Variants in IGSF21 observed in about 807,000 individuals in gnomAD.
The protein encoded by IGSF21 is immunoglobulin superfamily member 21.
A neutral mutation model predicts 46.8 loss-of-function variants in IGSF21; 28 were observed. That is an observed-to-expected ratio of 0.60 (90% CI 0.44 to 0.82). The LOEUF (loss-of-function observed/expected upper bound fraction) is 0.82. Ranked by LOEUF, IGSF21 falls within the 40% of genes least tolerant of loss-of-function variation. The pLI, the probability that IGSF21 is intolerant of heterozygous loss-of-function variation, is 0.00. For synonymous variants in IGSF21, 284 were observed against 273.6 expected (o/e 1.04, Z -0.38); for missense variants, 624 against 665.5 (o/e 0.94, Z 0.69).
chr1:18,232,413 C>G (rs557721118), intron 2 of IGSF21, among the ~76,000 whole-genome samples: 1 of 152,218 alleles, frequency 6.6e-6, no homozygotes, highest in East Asian at 1.9e-4. Context: ...ATTTGAGTGG[C>G]TGACATTATT....
At position 18,324,716 on chromosome 1, in the gene IGSF21, G is replaced by A. The variant is rs1489346308; in HGVS notation, c.306-10176G>A. ...GACAGGTCCCTTAGCTCAAGGGAGGGTCTCCTGTGTCCCCCTGCTTTTCTG... is the reference window on the plus strand; with the variant it reads ...GACAGGTCCCTTAGCTCAAGGGAGGATCTCCTGTGTCCCCCTGCTTTTCTG... On this transcript the variant is annotated intron_variant, in intron 3 of 9. Transcript: ENST00000251296. Among the ~76,000 whole-genome samples the A allele has an allele frequency of 5.9e-5, 9 of 152,232 alleles. No individual in the cohort carries two copies. The East Asian group carries it at 1.7e-3, about 30-fold the overall frequency.
At chr1:18,338,978 C>T (rs891293655) in intron 4 of IGSF21, among the ~76,000 whole-genome samples, 6 of 152,168 alleles carry the variant, frequency 3.9e-5, no homozygotes, top group Non-Finnish European at 7.3e-5. Flanking sequence ...CCCATCCCCA[C>T]CGAAGTTAAA....
chr1:18,286,920 G>A (rs1343686310), intron 2 of IGSF21, among the ~76,000 whole-genome samples: 2 of 152,146 alleles, frequency 1.3e-5, no homozygotes, highest in Admixed American at 1.3e-4. Flanking sequence ...AGTGGCTCAC[G>A]CCTGTAATCC....
intron 3 of IGSF21, among the ~76,000 whole-genome samples, chr1:18,318,595 A>C (rs970373541): frequency 6.6e-6 from 1 of 151,896 alleles, no homozygotes; most frequent in South Asian, 2.1e-4. Flanking sequence ...ATTCAGGTGG[A>C]TGCCACCCCA....
intron 1 of IGSF21, among the ~76,000 whole-genome samples, chr1:18,146,605 G>C (rs1243075654): frequency 1.3e-5 from 2 of 152,144 alleles, no homozygotes; most frequent in Non-Finnish European, 2.9e-5. Context: ...GCCTCCTTTT[G>C]GTCAAGGTAG....
chr1:18,262,484 GAA>G lies in IGSF21; in HGVS notation c.184-29377_184-29376del, dbSNP rs574821661. 1.4e-4 allele frequency among the ~76,000 whole-genome samples: 22 copies of G among 152,242 alleles called. No individual in the cohort carries two copies. The South Asian group carries it at 4.4e-3, about 30-fold the overall frequency. On this transcript the variant is annotated intron_variant, in intron 2 of 9. Transcript: ENST00000251296. ...CTCCCCAAGCCTCAGTTTCCTCATT[GAA>G]AAAATGGGGATAATAATTCCAACAT... is the stretch of plus-strand genomic sequence containing the variant.
At chr1:18,205,157 G>A (rs1336797996) in intron 1 of IGSF21, among the ~76,000 whole-genome samples, 1 of 151,772 alleles carries the variant, frequency 6.6e-6, no homozygotes, top group Admixed American at 6.6e-5. Context: ...GAGAGAGAGA[G>A]AGAAAGAGAG....
chr1:18,167,431 G>A (rs2086690284), intron 1 of IGSF21, among the ~76,000 whole-genome samples: 1 of 152,174 alleles, frequency 6.6e-6, no homozygotes, highest in South Asian at 2.1e-4. Flanking sequence ...CTAGGTGGAG[G>A]AGCTGAGCTT....
At chr1:18,112,197 C>G (rs768037580) in intron 1 of IGSF21, 1 of 152,188 alleles carries the variant, frequency 6.6e-6, no homozygotes, top group Admixed American at 6.5e-5. Context: ...GCCTGGCTTA[C>G]CACCTTGCCC....
intron 1 of IGSF21, among the ~76,000 whole-genome samples, chr1:18,161,718 C>T (rs2086625062): frequency 6.6e-6 from 1 of 152,148 alleles, no homozygotes; most frequent in East Asian, 1.9e-4. Flanking sequence ...GACAGATGTG[C>T]TCCCAACTTA....
chr1:18,268,580 C>T (rs763118181), intron 2 of IGSF21, among the ~76,000 whole-genome samples: 14 of 152,212 alleles, frequency 9.2e-5, no homozygotes, highest in Non-Finnish European at 1.8e-4. Flanking sequence ...CTCAGGTGCG[C>T]GGTGAAACCT....
At chr1:18,213,254 G>T (rs185573508) in intron 1 of IGSF21, among the ~76,000 whole-genome samples, 1 of 152,116 alleles carries the variant, frequency 6.6e-6, no homozygotes, top group East Asian at 1.9e-4. Flanking sequence ...GAACGTTATT[G>T]AATTCCCACT....
intron 6 of IGSF21, among the ~76,000 whole-genome samples, chr1:18,372,096 C>A (rs1557665864): frequency 6.6e-6 from 1 of 152,190 alleles, no homozygotes; most frequent in Non-Finnish European, 1.5e-5. Context: ...TTCCCATCAC[C>A]CACTAGAATT....
At chr1:18,122,990 C>A (rs2086248408) in intron 1 of IGSF21, among the ~76,000 whole-genome samples, 1 of 152,172 alleles carries the variant, frequency 6.6e-6, no homozygotes, top group African/African-American at 2.4e-5. Context: ...AGAAGCTTCT[C>A]TCATACCATC....
chr1:18,302,424 C>G (rs556125585), intron 3 of IGSF21, among the ~76,000 whole-genome samples: 3 of 152,308 alleles, frequency 2.0e-5, no homozygotes, highest in Non-Finnish European at 2.9e-5. Flanking sequence ...CCACAGAGGA[C>G]CGGCACCATC....
At chr1:18,166,123 G>A (rs1412488218) in intron 1 of IGSF21, among the ~76,000 whole-genome samples, 1 of 152,170 alleles carries the variant, frequency 6.6e-6, no homozygotes, top group Non-Finnish European at 1.5e-5. Flanking sequence ...ATGTTCAAGT[G>A]CTATTTCTTT....
chr1:18,319,664 T>C (rs1569803114), intron 3 of IGSF21, among the ~76,000 whole-genome samples: 1 of 152,210 alleles, frequency 6.6e-6, no homozygotes, highest in African/African-American at 2.4e-5. Context: ...GTACTTAATA[T>C]AAGCTCAGCG....
chr1:18,372,401 G>A (rs1417461876), intron 6 of IGSF21, among the ~76,000 whole-genome samples: 1 of 152,222 alleles, frequency 6.6e-6, no homozygotes. Flanking sequence ...GATGGATAGA[G>A]CAAATGAAGA....
At chr1:18,228,072 C>A in intron 2 of IGSF21, 62 bp downstream of exon 2, 1 of 1,262,540 alleles carries the variant, frequency 7.9e-7, no homozygotes. Flanking sequence ...GTCCTCAGAG[C>A]CCTCTGGACA....
Sources: allele counts gnomAD v4.1 joint callset (sites outside exome capture counted in the v4.1 genomes callset), GRCh38; gene constraint gnomAD v4.1.1; transcripts MANE v1.5; gene names NCBI Gene and HGNC (gene_info 2026-07-23, HGNC 2026-07-21).